PCDHGA10: variants seen among roughly 807,000 people sequenced by gnomAD.
PCDHGA10 encodes the protein protocadherin gamma subfamily A, 10, also known as protocadherin gamma-A10.
A neutral mutation model predicts 59.5 loss-of-function variants in PCDHGA10; 42 were observed. The observed-to-expected ratio is 0.71, with a 90% confidence interval of 0.55 to 0.91. PCDHGA10 has a LOEUF of 0.91. PCDHGA10 is among the 40% of genes least tolerant of loss of function. The probability of loss-of-function intolerance (pLI) is 0.00; values close to 1 mark genes in which losing one functional copy is unlikely to be tolerated. For synonymous variants in PCDHGA10, 511 were observed against 517.2 expected (o/e 0.99, Z 0.16); for missense variants, 1,111 against 1,198.2 (o/e 0.93, Z 1.07).
At position 141,415,367 on chromosome 5, in the gene PCDHGA10, CT is replaced by C. The variant is rs2095859649; in HGVS notation, c.2194del (p.Ser732GlnfsTer5). ...TGGCACAAGTCACGCCTGCTGCAGGCTTCAGGAGGCGGCTTGACAGGTGTGT... is the reference window on the plus strand; with the variant it reads ...TGGCACAAGTCACGCCTGCTGCAGGCTCAGGAGGCGGCTTGACAGGTGTGT... ...RRWHKSRLLQASGGGLTGVSG... is the reference protein window; with the variant it reads ...RRWHKSRLLQXSGGGLTGVSG... On this transcript the variant is annotated frameshift_variant, in exon 1 of 4. Transcript: ENST00000398610. LOFTEE classifies it high-confidence loss of function. 1 of 1,614,118 alleles carries C rather than the reference CT, an allele frequency of 6.2e-7. No individual in the cohort carries two copies. The highest frequency in any genetic ancestry group is 1.3e-5 in the African/African-American group (1 of 74,946).
In PCDHGA10 at chr5:141,415,255, A is replaced by G. The variant is rs908329007; in HGVS notation, c.2080A>G (p.Thr694Ala). The G allele has an allele frequency of 6.2e-7, 1 of 1,613,620 alleles. No individual in the cohort carries two copies. Among genetic ancestry groups the G allele is most frequent in the African/African-American group, 1.3e-5 (1 of 74,780 alleles). The change falls in exon 1 of 4, where the codon ACT becomes GCT. Residue 694 changes from threonine (T) to alanine (A), a missense_variant. Transcript: ENST00000398610. ...SPANSETSDL[T>A]LYLVVAVAAV... The stretch of plus-strand genomic sequence containing the variant: ...AGCTAACTCTGAAACCTCAGACCTC[A>G]CTCTGTACCTGGTGGTAGCGGTGGC...
chr5:141,507,553 C>T (rs1382652977), intron 3 of PCDHGA10, among the ~76,000 whole-genome samples: 4 of 152,192 alleles, frequency 2.6e-5, no homozygotes, highest in Admixed American at 2.0e-4. Flanking sequence ...ATGAAAGTGG[C>T]AGGCGGCTGG....
At chr5:141,429,657 A>G (rs1455808092) in intron 1 of PCDHGA10, among the ~76,000 whole-genome samples, 1 of 152,232 alleles carries the variant, frequency 6.6e-6, no homozygotes, top group African/African-American at 2.4e-5. Flanking sequence ...TTCCCAATTT[A>G]AAATATATTA....
chr5:141,433,262 T>A, intron 1 of PCDHGA10: 1 of 1,339,436 alleles, frequency 7.5e-7, no homozygotes, highest in Non-Finnish European at 1.0e-6. Flanking sequence ...GGTACGATCA[T>A]AGCTCACTGC....
At position 141,416,345 on chromosome 5, in the gene PCDHGA10, A is replaced by T. The variant is rs542527661; in HGVS notation, c.2436+734A>T. ...ATTTAACTTTCATTGCTCAATAGGG[A>T]TCCTGAGGAGGCTATAGAGGGTGAA... On this transcript the variant is annotated intron_variant, in intron 1 of 3. Transcript: ENST00000398610. The T allele has an allele frequency of 4.6e-5, 7 of 152,330 alleles. No homozygotes were observed. In the East Asian group the frequency reaches 1.3e-3, roughly 29 times the overall value. The allele number at this position is 152,330 out of a possible 1,614,324, so 9.4% of individuals were successfully genotyped here. A position where few individuals can be genotyped will look rare whatever the true frequency, so the allele number is the denominator to read the frequency against.
chr5:141,431,325 G>A lies in PCDHGA10; in HGVS notation c.2436+15714G>A. On this transcript the variant is annotated intron_variant, in intron 1 of 3. Transcript: ENST00000398610. The surrounding 1 kb of genome is among the most constrained non-coding windows in gnomAD (Gnocchi z 4.8). ...ATCGTGCAAAATGGAGCCGACGGTA[G>A]TAAGTACCCCGAATTGGTGCTGAAA... is the stretch of plus-strand genomic sequence containing the variant. 6.2e-7 allele frequency: 1 copy of A among 1,614,144 alleles called. No homozygotes were observed. The highest frequency in any genetic ancestry group is 8.5e-7 in the Non-Finnish European group (1 of 1,180,052).
chr5:141,479,676 G>A (rs2099503035), intron 1 of PCDHGA10: 1 of 152,242 alleles, frequency 6.6e-6, no homozygotes, highest in African/African-American at 2.4e-5. Context: ...CAAAAGGAGA[G>A]TCTTTTTGGT....
rs376494807 is a variant in PCDHGA10 at position 141,491,836 on chromosome 5, G to A, written c.2437-2971G>A. 4.2e-5 allele frequency: 62 copies of A among 1,472,880 alleles called. No homozygotes were observed. The highest frequency in any genetic ancestry group is 3.6e-4 in the Middle Eastern group (2 of 5,606). 91.2% of individuals were successfully genotyped at this position (1,472,880 alleles called of 1,614,324 possible). A position where few individuals can be genotyped will look rare whatever the true frequency, so the allele number is the denominator to read the frequency against. On this transcript the variant is annotated intron_variant, in intron 1 of 3. Coordinates refer to ENST00000398610, the MANE Select transcript of PCDHGA10 (RefSeq NM_018913.3). This position sits in a 1 kb window ranked among gnomAD's most constrained non-coding sequence, Gnocchi z 6.9. ...CTGGCTGCGCTCCACCCGATTCTCG[G>A]GATCATTGGACCGTTTGCGCGAAAC...
At chr5:141,423,395 C>G (rs1249200485) in intron 1 of PCDHGA10, 1 of 1,614,060 alleles carries the variant, frequency 6.2e-7, no homozygotes, top group Non-Finnish European at 8.5e-7. Context: ...TGGCATAAGT[C>G]ACGCCTGCTG....
intron 2 of PCDHGA10, among the ~76,000 whole-genome samples, chr5:141,503,081 C>G (rs1354848667): frequency 6.6e-6 from 1 of 151,960 alleles, no homozygotes; most frequent in Non-Finnish European, 1.5e-5. Flanking sequence ...TCTCGATCTC[C>G]TGACCTCGTG....
intron 2 of PCDHGA10, among the ~76,000 whole-genome samples, chr5:141,497,006 T>C (rs947830895): frequency 1.3e-5 from 2 of 151,678 alleles, no homozygotes; most frequent in South Asian, 2.1e-4. Context: ...GCAGCCAACA[T>C]GGTGAAACCC....
At chr5:141,428,001 T>G (rs149531447) in intron 1 of PCDHGA10, 10 of 1,601,704 alleles carry the variant, frequency 6.2e-6, no homozygotes, top group Non-Finnish European at 8.5e-6. Flanking sequence ...CTCCGCACTC[T>G]TCGATATAGT....
Position 141,431,996 on chromosome 5 carries a change from G to A in PCDHGA10, c.2436+16385G>A, listed in dbSNP as rs766891220. ...AGTCACAGACATAGTCTTGGATAGGGAACAGGTTCCTAGCTACAACATCAC... is the reference window on the plus strand; with the variant it reads ...AGTCACAGACATAGTCTTGGATAGGAAACAGGTTCCTAGCTACAACATCAC... On this transcript the variant is annotated intron_variant, in intron 1 of 3. Transcript: ENST00000398610. The surrounding 1 kb of genome is among the most constrained non-coding windows in gnomAD (Gnocchi z 4.8). 1.9e-6 allele frequency: 3 copies of A among 1,614,192 alleles called. No homozygotes were observed. In the East Asian group the frequency reaches 6.7e-5, roughly 36 times the overall value.
Position 141,487,399 on chromosome 5 carries a change from G to A in PCDHGA10, c.2437-7408G>A. 1.2e-6 allele frequency: 2 copies of A among 1,614,140 alleles called. No homozygotes were observed. Among genetic ancestry groups the A allele is most frequent in the South Asian group, 1.1e-5 (1 of 91,088 alleles). On this transcript the variant is annotated intron_variant, in intron 1 of 3. Coordinates refer to ENST00000398610, the MANE Select transcript of PCDHGA10 (RefSeq NM_018913.3). The surrounding 1 kb of genome is among the most constrained non-coding windows in gnomAD (Gnocchi z 5.0). ...TCACCAGATCTCGAAGGAGGGAGGGGCTTCCCCCTTCCAATGGGATCCTCC... is the reference window on the plus strand; with the variant it reads ...TCACCAGATCTCGAAGGAGGGAGGGACTTCCCCCTTCCAATGGGATCCTCC...
Position 141,489,585 on chromosome 5 carries a change from G to C in PCDHGA10, c.2437-5222G>C. The C allele has an allele frequency of 6.2e-7, 1 of 1,614,090 alleles. No individual in the cohort carries two copies. On this transcript the variant is annotated intron_variant, in intron 1 of 3. Transcript: ENST00000398610. This position sits in a 1 kb window ranked among gnomAD's most constrained non-coding sequence, Gnocchi z 4.5. ...AGGTGGTGACTGAACACCCCCTGGA[G>C]CTAATCCGTGTAGAGGTAGAGATCC...
intron 1 of PCDHGA10, chr5:141,422,104 T>C: frequency 6.2e-7 from 1 of 1,607,960 alleles, no homozygotes; most frequent in Non-Finnish European, 8.5e-7. Context: ...TTCTGAAATA[T>C]TCCAATTGGA....
At chr5:141,450,241 C>T (rs1236675009) in intron 1 of PCDHGA10, among the ~76,000 whole-genome samples, 1 of 152,094 alleles carries the variant, frequency 6.6e-6, no homozygotes, top group East Asian at 1.9e-4. Flanking sequence ...TAGTCTTGAA[C>T]TCCTGACCTC....
intron 2 of PCDHGA10, among the ~76,000 whole-genome samples, chr5:141,500,324 T>G (rs1165047676): frequency 6.6e-6 from 1 of 151,994 alleles, no homozygotes; most frequent in African/African-American, 2.4e-5. Flanking sequence ...TGCTCCTGCC[T>G]CAGCCTCCAG....
intron 2 of PCDHGA10, among the ~76,000 whole-genome samples, chr5:141,497,735 C>T (rs1299892535): frequency 2.6e-5 from 4 of 152,144 alleles, no homozygotes; most frequent in Non-Finnish European, 4.4e-5. Flanking sequence ...AGATGGGTTT[C>T]GCCACGTTGG....
Sources: allele counts gnomAD v4.1 joint callset (sites outside exome capture counted in the v4.1 genomes callset), GRCh38; gene constraint gnomAD v4.1.1; non-coding constraint Gnocchi (gnomAD v3.1); transcripts MANE v1.5; gene names NCBI Gene and HGNC (gene_info 2026-07-23, HGNC 2026-07-21).